The following COL15A1 variants were observed in gnomAD, a reference collection of about 807,000 sequenced individuals.
COL15A1 encodes the protein collagen alpha-1(XV) chain.
Under a neutral mutation model 165.9 loss-of-function variants are expected in COL15A1, and 111 were observed. The observed-to-expected ratio is 0.67, with a 90% confidence interval of 0.57 to 0.78. The LOEUF (loss-of-function observed/expected upper bound fraction) is 0.78, where lower values mean the gene tolerates loss of function less well. Among genes scored for constraint, COL15A1 ranks in the 30% least tolerant of loss-of-function variants. The probability of loss-of-function intolerance (pLI) is 0.00; values close to 1 mark genes in which losing one functional copy is unlikely to be tolerated. For missense variants in COL15A1, 1,745 were observed against 1,789.7 expected, an observed-to-expected ratio of 0.98 and a Z score of 0.45; for synonymous variants, 659 against 674.8, an observed-to-expected ratio of 0.98 and a Z score of 0.36.
intron 5 of COL15A1, among the ~76,000 whole-genome samples, chr9:98,994,203 A>C (rs1344944380): frequency 6.6e-6 from 1 of 152,064 alleles, no homozygotes; most frequent in Non-Finnish European, 1.5e-5. Flanking sequence ...GTAGACCTGG[A>C]TGTTCAGCTT....
At chr9:98,964,681 C>T (rs1371955776) in intron 2 of COL15A1, among the ~76,000 whole-genome samples, 2 of 152,216 alleles carry the variant, frequency 1.3e-5, no homozygotes, top group Non-Finnish European at 2.9e-5. Context: ...GTATGAGGCC[C>T]TTTCCCATGC....
In COL15A1 at chr9:98,944,173, G is replaced by A. The variant is rs1837535558; in HGVS notation, c.23G>A (p.Gly8Glu). Reference sequence around the variant, plus strand: ...GGCACATCTTGCAGGAGGAACAACGGGCAGTGCTGGTGTCTGCTGATGCTG... The same window carrying A: ...GGCACATCTTGCAGGAGGAACAACGAGCAGTGCTGGTGTCTGCTGATGCTG... MAPRRNN[G>E]QCWCLLMLLS... The change falls in exon 2 of 42, where the codon GGG (glycine) becomes GAG (glutamate). Residue 8 changes from glycine to glutamate, a missense_variant. Gly to Glu is a moderately conservative substitution (Grantham distance 98). Transcript: ENST00000375001. 7 of 1,614,058 alleles carry A rather than the reference G, an allele frequency of 4.3e-6. No individual in the cohort carries two copies. Among genetic ancestry groups the A allele is most frequent in the Non-Finnish European group, 5.1e-6 (6 of 1,179,982 alleles).
At chr9:99,063,950 C>T (rs1472155223) in intron 39 of COL15A1, among the ~76,000 whole-genome samples, 2 of 152,028 alleles carry the variant, frequency 1.3e-5, no homozygotes, top group Admixed American at 6.6e-5. Context: ...TCTCTCTATT[C>T]CTTTGCTAGC....
intron 2 of COL15A1, among the ~76,000 whole-genome samples, chr9:98,976,818 T>C (rs772553336): frequency 1.3e-5 from 2 of 152,106 alleles, no homozygotes; most frequent in Non-Finnish European, 2.9e-5. Context: ...TATAATGCCA[T>C]ATATGCTACA....
intron 2 of COL15A1, among the ~76,000 whole-genome samples, chr9:98,968,837 A>C (rs1837997841): frequency 6.6e-6 from 1 of 152,186 alleles, no homozygotes; most frequent in South Asian, 2.1e-4. Context: ...GCTGACTCCC[A>C]GGTTCCAGCT....
At chr9:98,972,298 C>T (rs944860337) in intron 2 of COL15A1, among the ~76,000 whole-genome samples, 7 of 152,142 alleles carry the variant, frequency 4.6e-5, no homozygotes, top group South Asian at 2.1e-4. Context: ...ATCAGATTGA[C>T]GCAGGCAAGA....
At chr9:99,030,084 A>G (rs1319104362) in intron 16 of COL15A1, among the ~76,000 whole-genome samples, 1 of 152,210 alleles carries the variant, frequency 6.6e-6, no homozygotes, top group African/African-American at 2.4e-5. Flanking sequence ...CCTCATCTCC[A>G]TTAGGTTCTT....
rs1825701705 is a variant in COL15A1 at position 99,055,301 on chromosome 9, G to A, written c.3121G>A (p.Glu1041Lys). ...GDKGFKGEKGEKGDINGSFLM... is the reference protein window; with the variant it reads ...GDKGFKGEKGKKGDINGSFLM... ...CAAGGGGTTCAAAGGTGAAAAAGGA[G>A]AAAAAGGAGACATTAATGGCAGCTT... Residue 1041 changes from glutamate to lysine, a missense_variant, in exon 34 of 42, where the codon GAA becomes AAA. Transcript: ENST00000375001. The A allele has an allele frequency of 6.2e-7, 1 of 1,613,882 alleles. No individual in the cohort carries two copies.
chr9:99,047,242 T>C (rs932568318), intron 26 of COL15A1, among the ~76,000 whole-genome samples: 3 of 152,196 alleles, frequency 2.0e-5, no homozygotes, highest in Admixed American at 6.5e-5. Context: ...ATAGGGTCCA[T>C]GGTCTGGAAC....
intron 7 of COL15A1, 89 bp from the exon 8 acceptor site, chr9:99,003,364 G>A (rs911293980): frequency 9.6e-7 from 1 of 1,039,266 alleles, no homozygotes; most frequent in East Asian, 2.9e-5. Context: ...GCAGGTGGCT[G>A]GAGAAGGCTA....
Position 99,029,925 on chromosome 9 carries a change from C to CAA in COL15A1, c.2043+3974_2043+3975dup, listed in dbSNP as rs11330165. On this transcript the variant is annotated intron_variant, in intron 16 of 41. Coordinates refer to ENST00000375001, the MANE Select transcript of COL15A1 (RefSeq NM_001855.5). ...GGGCAACAAGAGCAAAACTCCATCT[C>CAA]AAAAAAAAAAAAAAAATCATATAGA... Among the ~76,000 whole-genome samples, 55 of 111,622 alleles carry CAA rather than the reference C, an allele frequency of 4.9e-4. 1 individual carries two copies. The highest frequency in any genetic ancestry group is 1.4e-3 in the African/African-American group (47 of 32,774). 73.2% of individuals were successfully genotyped at this position (111,622 alleles called of 152,430 possible).
At chr9:98,973,195 G>C (rs1838088716) in intron 2 of COL15A1, among the ~76,000 whole-genome samples, 1 of 152,118 alleles carries the variant, frequency 6.6e-6, no homozygotes, top group African/African-American at 2.4e-5. Context: ...TCCAGTTTAG[G>C]TCAGAGGCTC....
intron 9 of COL15A1, among the ~76,000 whole-genome samples, chr9:99,012,893 T>C (rs1445346278): frequency 6.6e-6 from 1 of 152,002 alleles, no homozygotes; most frequent in African/African-American, 2.4e-5. Context: ...TTTGTATTTT[T>C]AGTAGAGACA....
At chr9:98,990,822 G>C (rs1055726119) in intron 5 of COL15A1, among the ~76,000 whole-genome samples, 1 of 152,190 alleles carries the variant, frequency 6.6e-6, no homozygotes, top group African/African-American at 2.4e-5. Context: ...GGAATTGGTG[G>C]GTTCTTGGTC....
chr9:98,976,485 C>T (rs1838143714), intron 2 of COL15A1, among the ~76,000 whole-genome samples: 1 of 152,122 alleles, frequency 6.6e-6, no homozygotes, highest in Admixed American at 6.5e-5. Flanking sequence ...TGGATTCATG[C>T]CTCCCAGATG....
intron 7 of COL15A1, 150 bp downstream of exon 7, chr9:99,001,101 G>A: frequency 3.2e-6 from 2 of 634,238 alleles, no homozygotes; most frequent in South Asian, 1.9e-5. Flanking sequence ...TGGTACAGAG[G>A]AGGTCAGAGT....
At chr9:98,969,153 C>G (rs1327009064) in intron 2 of COL15A1, among the ~76,000 whole-genome samples, 1 of 152,132 alleles carries the variant, frequency 6.6e-6, no homozygotes. Flanking sequence ...AAAACTGAGG[C>G]CCAGGGGAAA....
intron 37 of COL15A1, 50 bp downstream of exon 37, chr9:99,062,149 A>G: frequency 6.2e-7 from 1 of 1,608,504 alleles, no homozygotes; most frequent in Non-Finnish European, 8.5e-7. Flanking sequence ...CCCTCTAAAA[A>G]TAATAATCTA....
At chr9:98,982,210 T>C (rs1364284662) in intron 2 of COL15A1, among the ~76,000 whole-genome samples, 4 of 151,908 alleles carry the variant, frequency 2.6e-5, no homozygotes, top group African/African-American at 9.7e-5. Flanking sequence ...CCTCAAACTC[T>C]TGGGTTCAAG....
Sources: gnomAD v4.1 joint callset for allele counts (sites outside exome capture counted in the v4.1 genomes callset) on GRCh38, gnomAD v4.1.1 for gene constraint, MANE v1.5 for transcripts, NCBI Gene and HGNC (gene_info 2026-07-23, HGNC 2026-07-21) for gene names.